AGBL1: variants seen among roughly 807,000 people sequenced by gnomAD.
AGBL1 encodes the protein cytosolic carboxypeptidase 4.
AGBL1 carries 130 observed loss-of-function variants against 118.9 expected under a neutral mutation model. The ratio of observed to expected loss-of-function variants is 1.09; its 90% CI spans 0.95 to 1.26. AGBL1 has a LOEUF of 1.26. Ranked by LOEUF, AGBL1 falls within the 50% of genes most tolerant of loss-of-function variation. AGBL1 has a pLI of 0.00. For synonymous variants in AGBL1, 555 were observed against 478.9 expected (o/e 1.16, Z -2.08); for missense variants, 1,584 against 1,298.1 (o/e 1.22, Z -3.38).
intron 23 of AGBL1, among the ~76,000 whole-genome samples, chr15:86,928,702 C>T (rs1309781925): frequency 6.6e-6 from 1 of 152,126 alleles, no homozygotes; most frequent in Non-Finnish European, 1.5e-5. Flanking sequence ...TGCCCCTCTG[C>T]CTCTTCTATC....
intron 17 of AGBL1, among the ~76,000 whole-genome samples, chr15:86,377,250 T>C (rs970461690): frequency 4.6e-5 from 7 of 152,212 alleles, no homozygotes; most frequent in Non-Finnish European, 2.9e-5. Flanking sequence ...TAATTAAATA[T>C]ATACTCACAT....
At chr15:86,641,721 A>G (rs1381572371) in intron 21 of AGBL1, among the ~76,000 whole-genome samples, 3 of 152,124 alleles carry the variant, frequency 2.0e-5, no homozygotes, top group Non-Finnish European at 4.4e-5. Context: ...GTTTGAAACT[A>G]GCTTGGGCAA....
At chr15:86,589,547 G>T (rs902930708) in intron 21 of AGBL1, among the ~76,000 whole-genome samples, 1 of 152,148 alleles carries the variant, frequency 6.6e-6, no homozygotes, top group Non-Finnish European at 1.5e-5. Context: ...GAGAAGCCTG[G>T]AACCAGATGC....
At chr15:86,235,829 G>A (rs1434664948) in intron 6 of AGBL1, among the ~76,000 whole-genome samples, 1 of 152,236 alleles carries the variant, frequency 6.6e-6, no homozygotes, top group Admixed American at 6.5e-5. Context: ...CATCTGTGGT[G>A]GGAGAGGGTG....
chr15:86,536,608 C>G (rs1045117309), intron 19 of AGBL1, among the ~76,000 whole-genome samples: 2 of 151,968 alleles, frequency 1.3e-5, no homozygotes, highest in Non-Finnish European at 2.9e-5. Context: ...TGTGCCTGGT[C>G]AAAAATCTGG....
At chr15:86,927,358 G>T (rs555315116) in intron 23 of AGBL1, among the ~76,000 whole-genome samples, 2 of 151,922 alleles carry the variant, frequency 1.3e-5, no homozygotes, top group South Asian at 2.1e-4. Flanking sequence ...GGAGGCTGAG[G>T]TGGGAGGATC....
At chr15:86,903,887 A>G (rs2080245291) in intron 22 of AGBL1, among the ~76,000 whole-genome samples, 2 of 151,194 alleles carry the variant, frequency 1.3e-5, no homozygotes, top group African/African-American at 4.9e-5. Context: ...AATTGCCTGT[A>G]GAGGTCCAGG....
intron 22 of AGBL1, among the ~76,000 whole-genome samples, chr15:86,899,723 C>A (rs1369057368): frequency 1.3e-5 from 2 of 152,134 alleles, no homozygotes. Context: ...CTGGCCTGAC[C>A]TCCCTTCAGT....
chr15:86,801,674 A>C (rs560929516), intron 22 of AGBL1, among the ~76,000 whole-genome samples: 1 of 152,148 alleles, frequency 6.6e-6, no homozygotes, highest in Non-Finnish European at 1.5e-5. Flanking sequence ...AACTATATCT[A>C]GATTCTTTTT....
chr15:86,157,068 G>A (rs1269145975), intron 4 of AGBL1, among the ~76,000 whole-genome samples: 2 of 152,078 alleles, frequency 1.3e-5, no homozygotes. Context: ...GAGATTATAA[G>A]TGTGAGCCAC....
chr15:86,245,851 G>A (rs7182094), intron 6 of AGBL1, among the ~76,000 whole-genome samples: 67,948 of 151,984 alleles, frequency 0.45, 15,750 homozygotes, highest in African/African-American at 0.56. Flanking sequence ...TTAACTGTGA[G>A]GAATTCCTTT....
chr15:86,884,764 A>G (rs1338966346), intron 22 of AGBL1, among the ~76,000 whole-genome samples: 1 of 152,180 alleles, frequency 6.6e-6, no homozygotes, highest in Non-Finnish European at 1.5e-5. Context: ...GTGAGCTGAG[A>G]TTGCACCACT....
In AGBL1 at chr15:86,209,445, G is replaced by T. The variant is rs139220418; in HGVS notation, c.489-15469G>T. On this transcript the variant is annotated intron_variant, in intron 5 of 22. Transcript: ENST00000614907. ...AAAGTCTCCCATTATTATTGTGTGG[G>T]AGTCTAAGTCTCTTTGTAGGTCTCT... 8.6e-3 allele frequency among the ~76,000 whole-genome samples: 1,302 copies of T among 152,242 alleles called. 21 individuals are homozygous for T. The highest frequency in any genetic ancestry group is 0.029 in the African/African-American group (1,223 of 41,546).
chr15:87,015,021 T>A (rs1049048310), intron 24 of AGBL1, among the ~76,000 whole-genome samples: 3 of 152,138 alleles, frequency 2.0e-5, no homozygotes, highest in African/African-American at 7.2e-5. Flanking sequence ...CATGATTCAA[T>A]CAGCTTGGGG....
chr15:86,632,485 G>A lies in AGBL1; in HGVS notation c.2995-41788G>A, dbSNP rs148260057. 3.3e-5 allele frequency among the ~76,000 whole-genome samples: 5 copies of A among 152,168 alleles called. No individual in the cohort carries two copies. In the East Asian group the frequency reaches 7.8e-4, roughly 24 times the overall value. On this transcript the variant is annotated intron_variant, in intron 21 of 22. Transcript: ENST00000614907. ...TAATCATGTCCATTTGAATTACGTAGTTGCAACTCATGAGAAAGGAGGGGA... is the reference window on the plus strand; with the variant it reads ...TAATCATGTCCATTTGAATTACGTAATTGCAACTCATGAGAAAGGAGGGGA...
At chr15:86,507,405 A>G (rs74025158) in intron 18 of AGBL1, among the ~76,000 whole-genome samples, 2,621 of 152,216 alleles carry the variant, frequency 0.017, 64 homozygotes, top group African/African-American at 0.059. Context: ...CTTTATCGAT[A>G]AGGTGATTTC....
At chr15:86,447,840 G>A (rs964205414) in intron 18 of AGBL1, among the ~76,000 whole-genome samples, 1 of 152,104 alleles carries the variant, frequency 6.6e-6, no homozygotes, top group African/African-American at 2.4e-5. Flanking sequence ...ATAATATAAG[G>A]CAACACAAAA....
At chr15:86,681,057 A>G (rs2085946021) in intron 22 of AGBL1, among the ~76,000 whole-genome samples, 1 of 152,124 alleles carries the variant, frequency 6.6e-6, no homozygotes, top group South Asian at 2.1e-4. Context: ...TGTCTCAATT[A>G]TAAAGGATCA....
intron 21 of AGBL1, among the ~76,000 whole-genome samples, chr15:86,653,800 G>A (rs1236647977): frequency 6.6e-6 from 1 of 152,016 alleles, no homozygotes; most frequent in Non-Finnish European, 1.5e-5. Context: ...AAATAAACAC[G>A]ATCACCTTGG....
Sources: gnomAD v4.1 joint callset for allele counts (sites outside exome capture counted in the v4.1 genomes callset) on GRCh38, gnomAD v4.1.1 for gene constraint, MANE v1.5 for transcripts, NCBI Gene and HGNC (gene_info 2026-07-23, HGNC 2026-07-21) for gene names.